The following PLD1 variants were observed in gnomAD, a reference collection of about 807,000 sequenced individuals.
PLD1 encodes the protein phospholipase D1.
PLD1 carries 112 observed loss-of-function variants against 137.1 expected under a neutral mutation model. The observed-to-expected ratio is 0.82, with a 90% CI of 0.70 to 0.96. The LOEUF (loss-of-function observed/expected upper bound fraction) is 0.96. PLD1 is among the 40% of genes least tolerant of loss of function. PLD1 has a pLI of 0.00. For missense variants in PLD1, 1,321 were observed against 1,342.0 expected (o/e 0.98, Z 0.24); for synonymous variants, 431 against 454.7 (o/e 0.95, Z 0.66).
chr3:171,682,259 GA>G (rs1017798089), intron 16 of PLD1, among the ~76,000 whole-genome samples: 1 of 151,880 alleles, frequency 6.6e-6, no homozygotes, highest in South Asian at 2.1e-4. Flanking sequence ...AATTCTGAAT[GA>G]AAAAAAATCT....
chr3:171,733,632 A>G, intron 5 of PLD1, 123 bp from the exon 6 acceptor site: 1 of 538,834 alleles, frequency 1.9e-6, no homozygotes, highest in East Asian at 3.2e-5. Context: ...TCAATTATTT[A>G]TTAATATAAT....
chr3:171,775,200 A>G (rs1722547101), intron 1 of PLD1, among the ~76,000 whole-genome samples: 2 of 152,152 alleles, frequency 1.3e-5, no homozygotes, highest in Non-Finnish European at 2.9e-5. Context: ...GACGTCAAAG[A>G]TATTTTCTTA....
intron 22 of PLD1, among the ~76,000 whole-genome samples, chr3:171,643,952 A>C (rs1264456612): frequency 6.6e-6 from 1 of 152,102 alleles, no homozygotes; most frequent in Non-Finnish European, 1.5e-5. Flanking sequence ...GGATTAAAAA[A>C]AAATTTCCAC....
intron 1 of PLD1, among the ~76,000 whole-genome samples, chr3:171,778,479 G>C (rs767421994): frequency 1.3e-5 from 2 of 152,212 alleles, no homozygotes; most frequent in Non-Finnish European, 1.5e-5. Flanking sequence ...CATCTGGAGA[G>C]AGATGGCATA....
Position 171,603,147 on chromosome 3 carries a change from C to A in PLD1, c.3156G>T (p.Leu1052Phe). ...CAGAAGGCAGTAGGCTTTCTTCAGA[C>A]AAGAAATAAAAGGGGAATTGCACCA... The part of the protein sequence containing the change: ...GFLVQFPFYF[L>F]SEESLLPSVG... The change falls in exon 27 of 27, where the codon TTG (leucine) becomes TTT (phenylalanine). Residue 1052 changes from leucine (L) to phenylalanine (F), a missense_variant. Transcript: ENST00000351298. 1 of 1,614,070 alleles carries A rather than the reference C, an allele frequency of 6.2e-7. No homozygotes were observed.
chr3:171,768,775 C>T (rs1338237559), intron 1 of PLD1, among the ~76,000 whole-genome samples: 1 of 152,180 alleles, frequency 6.6e-6, no homozygotes, highest in Non-Finnish European at 1.5e-5. Flanking sequence ...TGGGTCACAG[C>T]GAGGTCCATA....
chr3:171,776,115 T>C (rs1357953804), intron 1 of PLD1, among the ~76,000 whole-genome samples: 1 of 152,192 alleles, frequency 6.6e-6, no homozygotes, highest in Non-Finnish European at 1.5e-5. Context: ...ATCACATCTA[T>C]TCAGAGTAGG....
rs186706897 is a variant in PLD1 at position 171,676,840 on chromosome 3, G to A, written c.1997-7C>T. On this transcript the variant is annotated splice_region_variant and splice_polypyrimidine_tract_variant and intron_variant, in intron 17 of 26. Transcript: ENST00000351298. The stretch of plus-strand genomic sequence containing the variant: ...GAGTACCTGTCAATGAAATCTGCCC[G>A]GGTGCACCAGGCAAGGATCAGTCAT... The A allele has an allele frequency of 1.3e-4, 200 of 1,587,844 alleles. No homozygotes were observed. In the African/African-American group the frequency reaches 1.8e-3, roughly 14 times the overall value.
Position 171,688,737 on chromosome 3 carries a change from CTG to C in PLD1, c.1476_1477del (p.His492GlnfsTer36). Reference sequence around the variant, plus strand: ...CTTCACACTGCCCACGTCTGTGAGTCTGTGCTCATTGTCGTCCCACCTTCCAT... The same window carrying C: ...CTTCACACTGCCCACGTCTGTGAGTCTGCTCATTGTCGTCCCACCTTCCAT... On this transcript the variant is annotated frameshift_variant, in exon 14 of 27. Transcript: ENST00000351298. LOFTEE classifies it high-confidence loss of function. The C allele has an allele frequency of 1.2e-6, 2 of 1,614,166 alleles. No individual in the cohort carries two copies. The highest frequency in any genetic ancestry group is 2.2e-5 in the South Asian group (2 of 91,080).
At position 171,650,951 on chromosome 3, in the gene PLD1, T is replaced by C. The variant is rs139008153; in HGVS notation, c.2430-5928A>G. 5.5e-3 allele frequency among the ~76,000 whole-genome samples: 840 copies of C among 152,274 alleles called. 7 individuals are homozygous for C. Among genetic ancestry groups the C allele is most frequent in the African/African-American group, 0.019 (810 of 41,542 alleles). On this transcript the variant is annotated intron_variant, in intron 21 of 26. Coordinates refer to ENST00000351298, the MANE Select transcript of PLD1 (RefSeq NM_002662.5). ...ATTTTTGTGATTGCTATAAAGCTGT[T>C]TGTACCTTTAAAAGCAGAGTACGAA... is the stretch of plus-strand genomic sequence containing the variant.
At chr3:171,783,608 T>C (rs74385463) in intron 1 of PLD1, among the ~76,000 whole-genome samples, 5,192 of 152,152 alleles carry the variant, frequency 0.034, 296 homozygotes, top group African/African-American at 0.12. Context: ...TTTTATTTTA[T>C]TGATTGAGAT....
intron 18 of PLD1, 84 bp from the exon 19 acceptor site, chr3:171,674,697 C>G (rs996038463): frequency 1.0e-5 from 8 of 785,348 alleles, no homozygotes; most frequent in Non-Finnish European, 1.5e-5. Flanking sequence ...GAAATTCATG[C>G]CCAGGTGCAG....
At chr3:171,745,738 A>T (rs956946804) in intron 1 of PLD1, among the ~76,000 whole-genome samples, 1 of 152,220 alleles carries the variant, frequency 6.6e-6, no homozygotes, top group East Asian at 1.9e-4. Context: ...ACGTGCTAGC[A>T]GTCCTCACTC....
At chr3:171,721,806 C>A (rs1046388649) in intron 8 of PLD1, among the ~76,000 whole-genome samples, 6 of 151,208 alleles carry the variant, frequency 4.0e-5, no homozygotes, top group African/African-American at 1.5e-4. Flanking sequence ...AGAAAAAAAA[C>A]TTTTTTCCCT....
At chr3:171,658,006 T>C (rs1313958935) in intron 21 of PLD1, among the ~76,000 whole-genome samples, 1 of 152,040 alleles carries the variant, frequency 6.6e-6, no homozygotes, top group Non-Finnish European at 1.5e-5. Flanking sequence ...GGGATTTCAG[T>C]AGACATTTCT....
At chr3:171,737,422 A>G in intron 3 of PLD1, 110 bp downstream of exon 3, 1 of 1,006,996 alleles carries the variant, frequency 9.9e-7, no homozygotes, top group Non-Finnish European at 1.4e-6. Flanking sequence ...AAACAAACAA[A>G]CAAAAACCTA....
intron 11 of PLD1, among the ~76,000 whole-genome samples, chr3:171,706,123 A>AGTCT (rs1456273910): frequency 7.8e-6 from 1 of 127,728 alleles, no homozygotes; most frequent in East Asian, 2.5e-4. Flanking sequence ...CGGGTCAGTC[A>AGTCT]GTCTATCTAT....
At chr3:171,620,769 T>TATATAA (rs1491299107) in intron 23 of PLD1, among the ~76,000 whole-genome samples, 1 of 88,536 alleles carries the variant, frequency 1.1e-5, no homozygotes, top group African/African-American at 6.7e-5. Flanking sequence ...TATATATATA[T>TATATAA]TATATATATT....
At chr3:171,657,463 T>C (rs1737310296) in intron 21 of PLD1, among the ~76,000 whole-genome samples, 1 of 152,218 alleles carries the variant, frequency 6.6e-6, no homozygotes, top group Non-Finnish European at 1.5e-5. Flanking sequence ...TGCTTATGTG[T>C]TTGTTCTGCT....
Sources: allele counts gnomAD v4.1 joint callset (sites outside exome capture counted in the v4.1 genomes callset), GRCh38; gene constraint gnomAD v4.1.1; transcripts MANE v1.5; gene names NCBI Gene and HGNC (gene_info 2026-07-23, HGNC 2026-07-21).